KCNH8: variants seen among roughly 807,000 people sequenced by gnomAD.
KCNH8 encodes voltage-gated delayed rectifier potassium channel KCNH8.
A neutral mutation model predicts 103.6 loss-of-function variants in KCNH8; 70 were observed. The observed-to-expected ratio is 0.68, with a 90% CI of 0.56 to 0.82. KCNH8 has a LOEUF of 0.82. KCNH8 is among the 40% of genes least tolerant of loss of function. KCNH8 has a pLI of 0.00. For missense variants in KCNH8, 1,217 were observed against 1,329.9 expected, an observed-to-expected ratio of 0.92 and a Z score of 1.32; for synonymous variants, 498 against 489.4, an observed-to-expected ratio of 1.02 and a Z score of -0.23.
chr3:19,149,102 G>T (rs1474156938), intron 1 of KCNH8, among the ~76,000 whole-genome samples: 1 of 152,102 alleles, frequency 6.6e-6, no homozygotes, highest in Non-Finnish European at 1.5e-5. Context: ...TAGGGAATTG[G>T]TTGTAATTTT....
At chr3:19,219,962 C>A (rs1024135416) in intron 1 of KCNH8, among the ~76,000 whole-genome samples, 2 of 152,184 alleles carry the variant, frequency 1.3e-5, no homozygotes, top group African/African-American at 4.8e-5. Context: ...TCTGGCTTCA[C>A]TGGAGAGGAC....
intron 3 of KCNH8, among the ~76,000 whole-genome samples, chr3:19,331,535 C>T (rs916890772): frequency 6.6e-6 from 1 of 152,046 alleles, no homozygotes; most frequent in Non-Finnish European, 1.5e-5. Flanking sequence ...TCATGATCTG[C>T]CCGCCTCGGC....
chr3:19,488,425 CATA>C (rs1404771489), intron 11 of KCNH8, among the ~76,000 whole-genome samples: 1 of 152,194 alleles, frequency 6.6e-6, no homozygotes, highest in East Asian at 1.9e-4. Context: ...GCGAGGTATT[CATA>C]CCCACAAACC....
intron 5 of KCNH8, among the ~76,000 whole-genome samples, chr3:19,386,456 A>G (rs1417148710): frequency 6.6e-6 from 1 of 152,154 alleles, no homozygotes. Flanking sequence ...TTTACTCATT[A>G]TGATACCAAT....
intron 1 of KCNH8, among the ~76,000 whole-genome samples, chr3:19,149,699 A>G (rs2063110453): frequency 6.6e-6 from 1 of 152,094 alleles, no homozygotes; most frequent in African/African-American, 2.4e-5. Flanking sequence ...CCCCTAACAA[A>G]TGCTCTCAGT....
Position 19,456,862 on chromosome 3 carries a change from G to A in KCNH8, c.1920G>A (p.Gln640=), listed in dbSNP as rs2067540898. 1.9e-6 allele frequency: 3 copies of A among 1,612,342 alleles called. No individual in the cohort carries two copies. The highest frequency in any genetic ancestry group is 2.5e-6 in the Non-Finnish European group (3 of 1,178,792). ...DVKALTYCDL[Q]CIILKGLFEV... ...AGGCTTTAACCTACTGTGATCTCCA[G>A]TGTATCATCCTCAAAGGACTCTTTG... The change falls in exon 11 of 16, where the codon CAG becomes CAA. Residue 640 remains glutamine, a synonymous_variant. Transcript: ENST00000328405.
intron 11 of KCNH8, among the ~76,000 whole-genome samples, chr3:19,470,457 C>T (rs1490840708): frequency 3.9e-5 from 6 of 152,178 alleles, no homozygotes; most frequent in Non-Finnish European, 8.8e-5. Flanking sequence ...CAGACATCAG[C>T]TCTTCAATTT....
At position 19,509,553 on chromosome 3, in the gene KCNH8, T is replaced by G. The variant is rs2068749017; in HGVS notation, c.2041-810T>G. 4.6e-5 allele frequency among the ~76,000 whole-genome samples: 7 copies of G among 152,326 alleles called. No individual in the cohort carries two copies. In the South Asian group the frequency reaches 1.5e-3, roughly 32 times the overall value. On this transcript the variant is annotated intron_variant, in intron 11 of 15. Transcript: ENST00000328405. ...TAGGTGCATGTTTTTAAGATATTCC[T>G]CTATAGTGCCATAGTTTGATTTTAT...
chr3:19,283,954 G>T (rs554512416), intron 3 of KCNH8, among the ~76,000 whole-genome samples: 15 of 144,722 alleles, frequency 1.0e-4, no homozygotes, highest in East Asian at 8.2e-4. Context: ...AAAAAAAAAA[G>T]AAATAAAGAA....
intron 1 of KCNH8, among the ~76,000 whole-genome samples, chr3:19,164,758 A>G (rs979525819): frequency 1.3e-5 from 2 of 152,226 alleles, no homozygotes; most frequent in African/African-American, 4.8e-5. Context: ...CCAACTGGCA[A>G]TGTTTTATAA....
At chr3:19,233,644 G>A (rs775181595) in intron 1 of KCNH8, among the ~76,000 whole-genome samples, 3 of 152,178 alleles carry the variant, frequency 2.0e-5, no homozygotes, top group Non-Finnish European at 2.9e-5. Flanking sequence ...CACTGTCTGT[G>A]TGGAGTTGGC....
intron 1 of KCNH8, among the ~76,000 whole-genome samples, chr3:19,216,166 C>G (rs2063815781): frequency 6.6e-6 from 1 of 152,212 alleles, no homozygotes; most frequent in African/African-American, 2.4e-5. Context: ...CGAATTATCA[C>G]TCTCCCATTA....
chr3:19,469,663 C>T (rs1269459435), intron 11 of KCNH8, among the ~76,000 whole-genome samples: 1 of 152,030 alleles, frequency 6.6e-6, no homozygotes, highest in African/African-American at 2.4e-5. Flanking sequence ...GTGATTGTGG[C>T]AAACATAGTA....
At chr3:19,243,450 C>T (rs2064167173) in intron 1 of KCNH8, among the ~76,000 whole-genome samples, 1 of 152,172 alleles carries the variant, frequency 6.6e-6, no homozygotes, top group African/African-American at 2.4e-5. Flanking sequence ...TGTTACTTAA[C>T]TTACAATTAT....
At chr3:19,325,048 A>G (rs1298800950) in intron 3 of KCNH8, among the ~76,000 whole-genome samples, 1 of 152,058 alleles carries the variant, frequency 6.6e-6, no homozygotes, top group Non-Finnish European at 1.5e-5. Context: ...CTTACTTAAG[A>G]TCACTAAGCT....
chr3:19,187,996 C>A (rs1228613689), intron 1 of KCNH8, among the ~76,000 whole-genome samples: 1 of 151,966 alleles, frequency 6.6e-6, no homozygotes, highest in East Asian at 1.9e-4. Context: ...TTCTTAGGGT[C>A]CATGAGCACT....
chr3:19,222,323 T>C (rs1221284550), intron 1 of KCNH8, among the ~76,000 whole-genome samples: 1 of 152,206 alleles, frequency 6.6e-6, no homozygotes, highest in African/African-American at 2.4e-5. Context: ...ATGAGAGAAT[T>C]CCTAAATGTT....
intron 3 of KCNH8, among the ~76,000 whole-genome samples, chr3:19,299,697 T>C (rs1052257465): frequency 6.6e-6 from 1 of 151,982 alleles, no homozygotes; most frequent in African/African-American, 2.4e-5. Context: ...TGTGACTATG[T>C]ATGTCAAAGT....
In KCNH8 at chr3:19,311,394, C is replaced by A. The variant is rs185773538; in HGVS notation, c.442+30065C>A. The stretch of plus-strand genomic sequence containing the variant: ...CAAGTGTTGGAGTGACAACTTGAAC[C>A]TGTACAGCCCGGTTGCAGAGCTATT... On this transcript the variant is annotated intron_variant, in intron 3 of 15. Transcript: ENST00000328405. Among the ~76,000 whole-genome samples, 39 of 151,712 alleles carry A rather than the reference C, an allele frequency of 2.6e-4. No homozygotes were observed. The East Asian group carries it at 6.6e-3, about 26-fold the overall frequency.
Sources: gnomAD v4.1 joint callset for allele counts (sites outside exome capture counted in the v4.1 genomes callset) on GRCh38, gnomAD v4.1.1 for gene constraint, MANE v1.5 for transcripts, NCBI Gene and HGNC (gene_info 2026-07-23, HGNC 2026-07-21) for gene names.